RGS6: variants seen among roughly 807,000 people sequenced by gnomAD.
The protein encoded by RGS6 is regulator of G protein signaling 6.
Under a neutral mutation model 78.5 loss-of-function variants are expected in RGS6, and 30 were observed. The observed-to-expected ratio is 0.38, with a 90% confidence interval of 0.29 to 0.52. RGS6 has a LOEUF of 0.52. Among genes scored for constraint, RGS6 ranks in the 20% least tolerant of loss-of-function variants. The pLI, the probability that RGS6 is intolerant of heterozygous loss-of-function variation, is 0.85. For missense variants in RGS6, 495 were observed against 609.7 expected, an observed-to-expected ratio of 0.81 and a Z score of 1.98; for synonymous variants, 206 against 206.0, an observed-to-expected ratio of 1.00 and a Z score of 0.00.
chr14:72,011,505 C>T (rs1365746603), intron 2 of RGS6, among the ~76,000 whole-genome samples: 1 of 151,648 alleles, frequency 6.6e-6, no homozygotes, highest in Non-Finnish European at 1.5e-5. Flanking sequence ...GCTTTGAAGG[C>T]AATTCCAGAG....
chr14:72,357,669 G>A (rs1053940183), intron 3 of RGS6, among the ~76,000 whole-genome samples: 1 of 152,188 alleles, frequency 6.6e-6, no homozygotes, highest in African/African-American at 2.4e-5. Context: ...ATTTCTAAGT[G>A]CAGAGTGTTC....
chr14:72,577,934 G>A, the RGS6 span, among the ~76,000 whole-genome samples: 618 of 152,322 alleles, frequency 4.1e-3, 6 homozygotes, highest in African/African-American at 0.014. Context: ...CTCCTAGCAT[G>A]AGCTACCTTG....
the RGS6 span, among the ~76,000 whole-genome samples, chr14:71,876,065 C>T: frequency 6.6e-6 from 1 of 152,228 alleles, no homozygotes; most frequent in East Asian, 1.9e-4. Context: ...TTACTTCCAA[C>T]TATGTGGTCA....
At chr14:72,032,108 TAG>T (rs1567058970) in intron 2 of RGS6, among the ~76,000 whole-genome samples, 1 of 152,226 alleles carries the variant, frequency 6.6e-6, no homozygotes, top group Admixed American at 6.5e-5. Flanking sequence ...AAATTTCATA[TAG>T]AGACCACACC....
At position 72,402,188 on chromosome 14, in the gene RGS6, G is replaced by A. The variant is rs930480532; in HGVS notation, c.184+49994G>A. ...AAAGAGAGACCCATTGGTCCATTCC[G>A]TCCAAGATCTCTCTCAGGGCTCAGA... On this transcript the variant is annotated intron_variant, in intron 3 of 17. Transcript: ENST00000553525. 4.6e-5 allele frequency among the ~76,000 whole-genome samples: 7 copies of A among 152,182 alleles called. No individual in the cohort carries two copies. The East Asian group carries it at 5.8e-4, about 13-fold the overall frequency.
intron 2 of RGS6, among the ~76,000 whole-genome samples, chr14:72,212,754 C>T (rs2044492800): frequency 6.6e-6 from 1 of 152,130 alleles, no homozygotes; most frequent in Non-Finnish European, 1.5e-5. Context: ...GACACAAACC[C>T]ACAACATAAC....
At chr14:72,209,102 A>T (rs2043394410) in intron 2 of RGS6, among the ~76,000 whole-genome samples, 1 of 152,010 alleles carries the variant, frequency 6.6e-6, no homozygotes, top group African/African-American at 2.4e-5. Context: ...TTAGCTGGGT[A>T]TGGTGGCACA....
chr14:72,389,197 G>A (rs1233817176), intron 3 of RGS6, among the ~76,000 whole-genome samples: 2 of 152,118 alleles, frequency 1.3e-5, no homozygotes, highest in African/African-American at 4.8e-5. Context: ...CTTGAGAAGT[G>A]GAGCGGTGCT....
the RGS6 span, among the ~76,000 whole-genome samples, chr14:72,580,305 T>C: frequency 1.5e-5 from 2 of 132,222 alleles, 1 homozygote; most frequent in Non-Finnish European, 3.0e-5. Context: ...TCAGCAAAAA[T>C]GTCCCCCCCA....
chr14:72,479,416 G>A (rs1255853052), intron 12 of RGS6, among the ~76,000 whole-genome samples: 1 of 152,156 alleles, frequency 6.6e-6, no homozygotes, highest in African/African-American at 2.4e-5. Flanking sequence ...ATGAATTATA[G>A]GATAGTTAGC....
At chr14:71,919,461 T>G in the RGS6 span, among the ~76,000 whole-genome samples, 18 of 150,174 alleles carry the variant, frequency 1.2e-4, no homozygotes, top group African/African-American at 2.4e-4. Context: ...AGATATAGGG[T>G]GTGTGTGTGT....
chr14:71,959,293 AT>A (rs1457696098), intron 1 of RGS6, among the ~76,000 whole-genome samples: 1 of 151,994 alleles, frequency 6.6e-6, no homozygotes, highest in East Asian at 1.9e-4. Context: ...CATCTTGTAA[AT>A]TTTTTTTCCT....
chr14:72,441,153 G>C (rs2095182058), intron 3 of RGS6, among the ~76,000 whole-genome samples: 1 of 152,156 alleles, frequency 6.6e-6, no homozygotes, highest in African/African-American at 2.4e-5. Flanking sequence ...GTAGGGATTA[G>C]AGGGCACCTT....
intron 2 of RGS6, among the ~76,000 whole-genome samples, chr14:72,344,263 A>C (rs1441269767): frequency 1.3e-5 from 2 of 152,184 alleles, no homozygotes; most frequent in Non-Finnish European, 2.9e-5. Flanking sequence ...AAAACTGTAA[A>C]AGTAAGCCTC....
intron 2 of RGS6, among the ~76,000 whole-genome samples, chr14:72,094,509 C>G (rs1222672309): frequency 2.0e-5 from 3 of 152,104 alleles, no homozygotes; most frequent in African/African-American, 4.8e-5. Context: ...TGCATGCTTG[C>G]TTAATTTCAA....
chr14:72,129,945 C>G (rs1445930280), intron 2 of RGS6, among the ~76,000 whole-genome samples: 1 of 152,104 alleles, frequency 6.6e-6, no homozygotes, highest in South Asian at 2.1e-4. Context: ...CTCACCATCC[C>G]GACTTAGTAC....
rs1273131466 is a variant in RGS6, at chr14:72,352,144, C to T, written c.134C>T (p.Pro45Leu). Residue 45 changes from proline to leucine, a missense_variant, in exon 3 of 18, where the codon CCC (proline) becomes CTC (leucine). Physicochemically the swap from Pro to Leu is moderately conservative, Grantham distance 98. Coordinates refer to ENST00000553525, the MANE Select transcript of RGS6 (RefSeq NM_001204424.2). ...CAAGATGACAAGACAGGGGGTGTGC[C>T]CATCAGAACAGTCAAGAGCTTTCTC... ...KMQDDKTGGV[P>L]IRTVKSFLSK... The T allele has an allele frequency of 6.2e-7, 1 of 1,613,330 alleles. No homozygotes were observed. The highest frequency in any genetic ancestry group is 1.7e-5 in the Admixed American group (1 of 59,900).
At chr14:71,973,647 C>T (rs1213312472) in intron 2 of RGS6, among the ~76,000 whole-genome samples, 6 of 152,120 alleles carry the variant, frequency 3.9e-5, no homozygotes, top group South Asian at 4.2e-4. Context: ...ATGGTGCCAC[C>T]GCACTCCAGC....
intron 2 of RGS6, among the ~76,000 whole-genome samples, chr14:72,153,626 C>T (rs962235423): frequency 3.3e-5 from 5 of 152,122 alleles, no homozygotes; most frequent in Non-Finnish European, 5.9e-5. Flanking sequence ...CCTGGGCCGC[C>T]GGGGGTGACA....
Sources: gnomAD v4.1 joint callset for allele counts (sites outside exome capture counted in the v4.1 genomes callset) on GRCh38, gnomAD v4.1.1 for gene constraint, MANE v1.5 for transcripts, NCBI Gene and HGNC (gene_info 2026-07-23, HGNC 2026-07-21) for gene names.